The following MAPK14 variants were observed in gnomAD, a reference collection of about 807,000 sequenced individuals.
The protein encoded by MAPK14 is mitogen-activated protein kinase 14.
In MAPK14, 16 loss-of-function variants were observed where a neutral mutation model predicts 49.6. The observed-to-expected ratio is 0.32, with a 90% CI of 0.22 to 0.49. The LOEUF (loss-of-function observed/expected upper bound fraction) is 0.49. Among genes scored for constraint, MAPK14 ranks in the 20% least tolerant of loss-of-function variants. MAPK14 has a pLI of 0.99. For synonymous variants in MAPK14, 142 were observed against 158.0 expected (o/e 0.90, Z 0.76); for missense variants, 200 against 441.2 (o/e 0.45, Z 4.90).
chr6:36,049,237 A>T (rs1261008696), intron 1 of MAPK14, among the ~76,000 whole-genome samples: 1 of 152,188 alleles, frequency 6.6e-6, no homozygotes, highest in Non-Finnish European at 1.5e-5. Context: ...CTCACACCTT[A>T]AGAGGTATAT....
intron 1 of MAPK14, among the ~76,000 whole-genome samples, chr6:36,047,684 C>T (rs1272646346): frequency 6.6e-6 from 1 of 151,992 alleles, no homozygotes; most frequent in Non-Finnish European, 1.5e-5. Flanking sequence ...CTCAAGCAAT[C>T]TTCCTGCCTC....
At chr6:36,073,288 T>C (rs976665326) in intron 4 of MAPK14, among the ~76,000 whole-genome samples, 3 of 152,264 alleles carry the variant, frequency 2.0e-5, no homozygotes, top group Admixed American at 2.0e-4. Flanking sequence ...GGACTCTTCA[T>C]TCTTACATCT....
rs1162894788 is a variant in MAPK14, at chr6:36,063,908, C to CT, written c.305+4563dup. Among the ~76,000 whole-genome samples, 6 of 152,238 alleles carry CT rather than the reference C, an allele frequency of 3.9e-5. No homozygotes were observed. In the South Asian group the frequency reaches 1.0e-3, roughly 26 times the overall value. The stretch of plus-strand genomic sequence containing the variant: ...ATCCTTTGGGCCTTTCTGTTGGCTT[C>CT]TTGATAGTAATGTTTGGCAAGATAC... On this transcript the variant is annotated intron_variant, in intron 3 of 11. Transcript: ENST00000229794.
chr6:36,074,299 C>G (rs532394474), intron 6 of MAPK14, among the ~76,000 whole-genome samples: 1 of 152,054 alleles, frequency 6.6e-6, no homozygotes, highest in African/African-American at 2.4e-5. Context: ...TTTATTTTAA[C>G]ATAAAGTTAA....
At chr6:36,045,121 A>C (rs1050713359) in intron 1 of MAPK14, among the ~76,000 whole-genome samples, 1 of 151,592 alleles carries the variant, frequency 6.6e-6, no homozygotes, top group East Asian at 1.9e-4. Flanking sequence ...TGACAGAGTG[A>C]GACCTTAAAG....
intron 10 of MAPK14, among the ~76,000 whole-genome samples, chr6:36,104,687 C>G (rs189009362): frequency 6.6e-6 from 1 of 152,100 alleles, no homozygotes; most frequent in Non-Finnish European, 1.5e-5. Context: ...GCACCCAGCC[C>G]GTCGTGTTCT....
intron 10 of MAPK14, chr6:36,102,861 G>A (rs1757334657): frequency 2.9e-6 from 1 of 341,252 alleles, no homozygotes; most frequent in African/African-American, 2.2e-5. Flanking sequence ...ACAGAACTTG[G>A]GATTGGGGGA....
chr6:36,120,342 C>T, the MAPK14 span, among the ~76,000 whole-genome samples: 43 of 152,190 alleles, frequency 2.8e-4, no homozygotes, highest in East Asian at 6.0e-3. Flanking sequence ...GTGTGTGAAA[C>T]ATCTCAGCGT....
At chr6:36,096,573 A>G (rs1765452789) in intron 9 of MAPK14, 1 of 153,012 alleles carries the variant, frequency 6.5e-6, no homozygotes, top group African/African-American at 2.4e-5. Flanking sequence ...GTTATTTTTT[A>G]TTGTTTTAGA....
chr6:36,033,343 G>A (rs1368598946), intron 1 of MAPK14, among the ~76,000 whole-genome samples: 2 of 149,216 alleles, frequency 1.3e-5, no homozygotes, highest in Non-Finnish European at 3.0e-5. Flanking sequence ...TTGAGACGGA[G>A]TCTTGCTGTG....
chr6:36,067,584 G>A (rs1764110538), intron 3 of MAPK14, among the ~76,000 whole-genome samples: 1 of 152,112 alleles, frequency 6.6e-6, no homozygotes, highest in South Asian at 2.1e-4. Flanking sequence ...AGACTGTGTG[G>A]TAAAATATTG....
At chr6:36,095,887 G>C (rs1413176937) in intron 8 of MAPK14, 100 bp from the exon 9 acceptor site, 1 of 724,130 alleles carries the variant, frequency 1.4e-6, no homozygotes, top group Non-Finnish European at 2.3e-6. Context: ...TTTCATTTTT[G>C]TTCTCGGTGT....
At chr6:36,062,013 T>G (rs1763841745) in intron 3 of MAPK14, among the ~76,000 whole-genome samples, 2 of 152,188 alleles carry the variant, frequency 1.3e-5, no homozygotes, top group Non-Finnish European at 2.9e-5. Context: ...CTTGCCCTGT[T>G]GTCACCCAGG....
At chr6:36,059,498 A>G in intron 3 of MAPK14, 151 bp downstream of exon 3, 5 of 649,318 alleles carry the variant, frequency 7.7e-6, no homozygotes, top group Non-Finnish European at 1.4e-5. Context: ...TGGATACCAG[A>G]AGATGTATGT....
Position 36,052,681 on chromosome 6 carries a change from TC to T in MAPK14, c.117-15del, listed in dbSNP as rs1763448857. ...AACAGCTTTTTAATGGTGGGTTTTT[TC>T]CCTTTTTTCTCCTTAGTGCTGCTTT... is the stretch of plus-strand genomic sequence containing the variant. On this transcript the variant is annotated splice_polypyrimidine_tract_variant and intron_variant, in intron 1 of 11. Transcript: ENST00000229794. The T allele has an allele frequency of 5.7e-6, 9 of 1,585,028 alleles. 1 individual carries two copies. In the East Asian group the frequency reaches 2.0e-4, roughly 36 times the overall value.
chr6:36,122,119 G>T, the MAPK14 span, among the ~76,000 whole-genome samples: 2 of 152,258 alleles, frequency 1.3e-5, no homozygotes, highest in Non-Finnish European at 2.9e-5. Context: ...ATGGCAGGTA[G>T]CCCTGCTAGT....
intron 3 of MAPK14, among the ~76,000 whole-genome samples, chr6:36,065,903 C>T (rs894098838): frequency 6.6e-6 from 1 of 152,110 alleles, no homozygotes; most frequent in Non-Finnish European, 1.5e-5. Flanking sequence ...TTTCTGGGAA[C>T]TTAAATTTAT....
intron 1 of MAPK14, among the ~76,000 whole-genome samples, chr6:36,031,252 G>C (rs1020050849): frequency 1.3e-5 from 2 of 152,126 alleles, no homozygotes; most frequent in African/African-American, 4.8e-5. Context: ...GACCTCAAGT[G>C]ATCTGCTCTC....
At chr6:36,057,209 A>T (rs1193792374) in intron 2 of MAPK14, among the ~76,000 whole-genome samples, 1 of 152,200 alleles carries the variant, frequency 6.6e-6, no homozygotes, top group African/African-American at 2.4e-5. Context: ...AGAGATAGGA[A>T]ATTGGTTAAG....
Sources: gnomAD v4.1 joint callset for allele counts (sites outside exome capture counted in the v4.1 genomes callset) on GRCh38, gnomAD v4.1.1 for gene constraint, MANE v1.5 for transcripts, NCBI Gene and HGNC (gene_info 2026-07-23, HGNC 2026-07-21) for gene names.